The following DPCD variants were observed in gnomAD, a reference collection of about 807,000 sequenced individuals.
DPCD encodes deleted in primary ciliary dyskinesia homolog (mouse), also known as protein DPCD.
A neutral mutation model predicts 26.4 loss-of-function variants in DPCD; 20 were observed. The ratio of observed to expected loss-of-function variants is 0.76; its 90% CI spans 0.53 to 1.10. The LOEUF is 1.10. DPCD is among the 50% of genes least tolerant of loss of function. DPCD has a pLI of 0.00. For missense variants in DPCD, 202 were observed against 253.9 expected, an observed-to-expected ratio of 0.80 and a Z score of 1.39; for synonymous variants, 97 against 94.2, an observed-to-expected ratio of 1.03 and a Z score of -0.17.
At chr10:101,595,762 C>T (rs1423341327) in intron 2 of DPCD, among the ~76,000 whole-genome samples, 3 of 152,144 alleles carry the variant, frequency 2.0e-5, no homozygotes, top group Non-Finnish European at 2.9e-5. Context: ...TTGGTTTAGT[C>T]TGGTGCTATT....
At chr10:101,598,638 T>G (rs11191056) in intron 2 of DPCD, among the ~76,000 whole-genome samples, 19,948 of 125,002 alleles carry the variant, frequency 0.16, 1,562 homozygotes, top group Middle Eastern at 0.23. Context: ...TTTTTTTTTT[T>G]TTTGAGACGG....
rs145821813 is a variant in DPCD, at chr10:101,593,623, CTG to C, written c.65-1033_65-1032del. Among the ~76,000 whole-genome samples, 281 of 152,218 alleles carry C rather than the reference CTG, an allele frequency of 1.8e-3. 2 individuals carry two copies. In the East Asian group the frequency reaches 0.036, roughly 20 times the overall value. On this transcript the variant is annotated intron_variant, in intron 1 of 5. Transcript: ENST00000370151. ...CTTTTTTTTTAGACAGAGTCTCACT[CTG>C]TTGCCCAGGCTGGAGTGCAGTGGCA... is the stretch of plus-strand genomic sequence containing the variant.
chr10:101,606,611 C>T (rs1174600757), intron 4 of DPCD, among the ~76,000 whole-genome samples: 2 of 152,178 alleles, frequency 1.3e-5, no homozygotes, highest in Non-Finnish European at 2.9e-5. Context: ...GTCACCAGGC[C>T]CGCCCTCTTC....
chr10:101,607,030 C>CAA (rs2063737449), intron 4 of DPCD, among the ~76,000 whole-genome samples: 1 of 152,204 alleles, frequency 6.6e-6, no homozygotes, highest in Non-Finnish European at 1.5e-5. Flanking sequence ...AAAGCAGGTG[C>CAA]AAGCTATGCA....
chr10:101,609,517 C>T lies in DPCD; in HGVS notation c.*46C>T. The T allele has an allele frequency of 6.4e-7, 1 of 1,565,174 alleles. No homozygotes were observed. The highest frequency in any genetic ancestry group is 1.3e-5 in the African/African-American group (1 of 74,078). On this transcript the variant is annotated 3_prime_UTR_variant, in exon 6 of 6. Coordinates refer to ENST00000370151, the MANE Select transcript of DPCD (RefSeq NM_015448.3). ...CTCCACCACAGGGGGTGCCGTGAGA[C>T]TTCAAGGCTTGGCCCTTCTTGACCA...
intron 1 of DPCD, among the ~76,000 whole-genome samples, chr10:101,591,184 G>A (rs530002750): frequency 6.6e-6 from 1 of 152,322 alleles, no homozygotes; most frequent in South Asian, 2.1e-4. Flanking sequence ...GATATCCATT[G>A]TATGTCTACA....
intron 2 of DPCD, among the ~76,000 whole-genome samples, chr10:101,599,315 A>G (rs945081774): frequency 6.6e-6 from 1 of 152,238 alleles, no homozygotes; most frequent in Admixed American, 6.5e-5. Flanking sequence ...TGAGGTATTA[A>G]CACTGAATAG....
intron 1 of DPCD, among the ~76,000 whole-genome samples, chr10:101,592,036 TCA>T (rs2063612974): frequency 6.6e-6 from 1 of 151,824 alleles, no homozygotes; most frequent in African/African-American, 2.4e-5. Context: ...ATGCATACAC[TCA>T]CAGTTATTTT....
At chr10:101,595,311 G>T (rs906717362) in intron 2 of DPCD, among the ~76,000 whole-genome samples, 1 of 152,156 alleles carries the variant, frequency 6.6e-6, no homozygotes, top group Non-Finnish European at 1.5e-5. Flanking sequence ...TCATGGGTAG[G>T]GGCTCCAGCT....
At chr10:101,606,846 C>T (rs1466507416) in intron 4 of DPCD, among the ~76,000 whole-genome samples, 1 of 151,968 alleles carries the variant, frequency 6.6e-6, no homozygotes, top group Non-Finnish European at 1.5e-5. Context: ...GGTGGGCTTC[C>T]CCAGGAGGAG....
At chr10:101,605,332 T>A (rs991275651) in intron 4 of DPCD, 1 of 1,431,298 alleles carries the variant, frequency 7.0e-7, no homozygotes, top group East Asian at 2.5e-5. Flanking sequence ...AAAGGCTGGA[T>A]TGGGGAGGGG....
At chr10:101,591,131 A>G (rs2063603956) in intron 1 of DPCD, among the ~76,000 whole-genome samples, 1 of 152,170 alleles carries the variant, frequency 6.6e-6, no homozygotes, top group Admixed American at 6.5e-5. Context: ...AGGTATGGAT[A>G]TTGTAGCATG....
At chr10:101,592,868 G>T (rs994050444) in intron 1 of DPCD, among the ~76,000 whole-genome samples, 11 of 151,582 alleles carry the variant, frequency 7.3e-5, no homozygotes, top group Non-Finnish European at 1.6e-4. Flanking sequence ...ACAAAAATTA[G>T]CTGGGTGTGG....
chr10:101,609,245 T>C, intron 5 of DPCD, 122 bp from the exon 6 acceptor site: 3 of 915,030 alleles, frequency 3.3e-6, no homozygotes, highest in Non-Finnish European at 5.1e-6. Flanking sequence ...AATCATTCAA[T>C]CCTACAGGCC....
At chr10:101,598,022 A>G (rs956407083) in intron 2 of DPCD, among the ~76,000 whole-genome samples, 2 of 152,250 alleles carry the variant, frequency 1.3e-5, no homozygotes, top group African/African-American at 2.4e-5. Flanking sequence ...AGAGGTGTCA[A>G]GTTCCCTGAG....
At chr10:101,597,194 T>G (rs2063659271) in intron 2 of DPCD, among the ~76,000 whole-genome samples, 1 of 152,252 alleles carries the variant, frequency 6.6e-6, no homozygotes, top group Non-Finnish European at 1.5e-5. Flanking sequence ...CGACTTAATC[T>G]GCTTTGGTAT....
rs371077200 is a variant in DPCD at position 101,600,902 on chromosome 10, G to C, written c.270+40G>C. 18 of 1,612,592 alleles carry C rather than the reference G, an allele frequency of 1.1e-5. No individual in the cohort carries two copies. Among genetic ancestry groups the C allele is most frequent in the Admixed American group, 1.7e-5 (1 of 59,596 alleles). ...CCAGGTGTCTTGCACGGACTGAGGT[G>C]GGGGTGGGCTGTGGGCTGCTGGCTC... On this transcript the variant is annotated intron_variant, in intron 3 of 5. Transcript: ENST00000370151. This position sits in a 1 kb window ranked among gnomAD's most constrained non-coding sequence, Gnocchi z 4.7.
At chr10:101,605,600 T>C (rs1243242774) in intron 4 of DPCD, among the ~76,000 whole-genome samples, 1 of 152,208 alleles carries the variant, frequency 6.6e-6, no homozygotes, top group Admixed American at 6.5e-5. Flanking sequence ...CACATACATC[T>C]TTTGAAGACT....
chr10:101,605,041 G>A (rs1006966055), intron 4 of DPCD: 8 of 1,522,844 alleles, frequency 5.3e-6, no homozygotes, highest in Non-Finnish European at 6.2e-6. Context: ...GTATGTGTGT[G>A]TGATTGTGAC....
Sources: allele counts gnomAD v4.1 joint callset (sites outside exome capture counted in the v4.1 genomes callset), GRCh38; gene constraint gnomAD v4.1.1; non-coding constraint Gnocchi (gnomAD v3.1); transcripts MANE v1.5; gene names NCBI Gene and HGNC (gene_info 2026-07-23, HGNC 2026-07-21).